Variants in GEMIN8 observed in about 807,000 individuals in gnomAD.
GEMIN8 encodes gem nuclear organelle associated protein 8.
For missense variants in GEMIN8, 185 were observed against 205.9 expected (o/e 0.90, Z 0.62); for synonymous variants, 80 against 78.5 (o/e 1.02, Z -0.10).
the GEMIN8 span, among the ~76,000 whole-genome samples, chrX:14,000,325 A>G: frequency 0.29 from 31,356 of 108,339 alleles, 3,406 homozygotes; most frequent in South Asian, 0.32. Context: ...GGCCGGGCGC[A>G]GTGGCTCACG....
chrX:14,027,277 G>C (rs1014389584), intron 1 of GEMIN8: 1 of 113,135 alleles, frequency 8.8e-6, no homozygotes, highest in South Asian at 3.6e-4. Context: ...TGGTTGCTGA[G>C]GCTGGCAAGC....
chrX:14,023,700 A>C (rs979637872), intron 2 of GEMIN8, among the ~76,000 whole-genome samples: 1 of 112,178 alleles, frequency 8.9e-6, no homozygotes, highest in African/African-American at 3.2e-5. Context: ...TTTATCACTA[A>C]AATCTGAATA....
Position 14,008,250 on chromosome X carries a change from T to C in GEMIN8, c.*663A>G, listed in dbSNP as rs1423386570. 8.9e-6 allele frequency: 1 copy of C among 112,240 alleles called. No individual in the cohort carries two copies. The highest frequency in any genetic ancestry group is 3.2e-5 in the African/African-American group (1 of 30,841). 9.2% of individuals were successfully genotyped at this position (112,240 alleles called of 1,213,427 possible). A position where few individuals can be genotyped will look rare whatever the true frequency, so the allele number is the denominator to read the frequency against. ...CCTCGGCCTCCCAAAGTGCTGGGAT[T>C]ACAGGCATGAACCATTGCGCCCGGC... is the stretch of plus-strand genomic sequence containing the variant. On this transcript the variant is annotated 3_prime_UTR_variant, in exon 5 of 5. Transcript: ENST00000680255.
chrX:14,016,770 G>A (rs1461491852), intron 4 of GEMIN8, among the ~76,000 whole-genome samples: 7 of 99,577 alleles, frequency 7.0e-5, no homozygotes, highest in African/African-American at 2.6e-4. Context: ...ACTTGAACCC[G>A]GGAGGCATAG....
chrX:13,991,062 C>A, the GEMIN8 span, among the ~76,000 whole-genome samples: 1 of 112,539 alleles, frequency 8.9e-6, no homozygotes, highest in Non-Finnish European at 1.9e-5. Flanking sequence ...TAAAAATATA[C>A]CTTGGAGATT....
chrX:13,999,799 G>A, the GEMIN8 span, among the ~76,000 whole-genome samples: 4 of 111,621 alleles, frequency 3.6e-5, 1 homozygote, highest in Admixed American at 3.8e-4. Context: ...TTAAATTGGG[G>A]TTATGGGTTT....
At chrX:14,003,108 G>C (rs887685099), downstream of GEMIN8, among the ~76,000 whole-genome samples, 3 of 112,144 alleles carry the variant, frequency 2.7e-5, no homozygotes, top group Non-Finnish European at 5.6e-5. Context: ...CTTAGCCTCA[G>C]TTATAAAATT....
At chrX:13,985,172 A>AT in the GEMIN8 span, among the ~76,000 whole-genome samples, 1 of 111,266 alleles carries the variant, frequency 9.0e-6, no homozygotes, top group African/African-American at 3.3e-5. Flanking sequence ...TTGGCTCAGG[A>AT]TTTTTTGGGT....
At chrX:13,995,041 C>T in the GEMIN8 span, among the ~76,000 whole-genome samples, 3 of 111,795 alleles carry the variant, frequency 2.7e-5, no homozygotes, top group South Asian at 7.6e-4. Flanking sequence ...GTAGGGAAGG[C>T]GACAGTGCAC....
the GEMIN8 span, among the ~76,000 whole-genome samples, chrX:13,993,441 CTTT>C: frequency 0.062 from 5,649 of 90,553 alleles, 173 homozygotes; most frequent in East Asian, 0.098. Context: ...GTTGTGTATA[CTTT>C]TTTTTTTTTT....
At chrX:13,991,332 G>C in the GEMIN8 span, among the ~76,000 whole-genome samples, 7 of 112,009 alleles carry the variant, frequency 6.2e-5, no homozygotes, top group Admixed American at 3.8e-4. Context: ...GGGCTGATTA[G>C]ACAATAGAGC....
chrX:13,993,372 GGC>G, the GEMIN8 span, among the ~76,000 whole-genome samples: 1 of 109,993 alleles, frequency 9.1e-6, no homozygotes, highest in Non-Finnish European at 1.9e-5. Context: ...TGCAAACACT[GGC>G]ACAGTCACCT....
intron 4 of GEMIN8, among the ~76,000 whole-genome samples, chrX:14,011,729 T>C (rs1603188720): frequency 1.8e-5 from 2 of 110,755 alleles, no homozygotes; most frequent in East Asian, 5.7e-4. Context: ...ACTTCCTGCA[T>C]AAATCCGAGT....
At chrX:14,011,062 T>C (rs1314025910) in intron 4 of GEMIN8, among the ~76,000 whole-genome samples, 1 of 111,929 alleles carries the variant, frequency 8.9e-6, no homozygotes, top group Non-Finnish European at 1.9e-5. Context: ...AGCTTCTTAT[T>C]TCCGCAAGAG....
rs1924217058 is a variant in GEMIN8 at position 14,020,281 on chromosome X, G to A, written c.269C>T (p.Ser90Phe). Residue 90 changes from serine (S) to phenylalanine (F), a missense_variant, in exon 4 of 5, where the codon TCT becomes TTT. Coordinates refer to ENST00000680255, the MANE Select transcript of GEMIN8 (RefSeq NM_001042479.2). ...HVAWQDYPCS[S>F]SHFRRSGQHP... ...CTGCCCAGATCTTCTGAAATGTGAAGAACTGCAGGGGTAGTCCTGCCAGGC... is the reference window on the plus strand; with the variant it reads ...CTGCCCAGATCTTCTGAAATGTGAAAAACTGCAGGGGTAGTCCTGCCAGGC... The A allele has an allele frequency of 3.3e-6, 4 of 1,210,551 alleles. No individual in the cohort carries two copies. In the African/African-American group the frequency reaches 5.2e-5, roughly 16 times the overall value.
chrX:14,025,981 T>C (rs933770159), intron 2 of GEMIN8, 159 bp downstream of exon 2: 1 of 600,374 alleles, frequency 1.7e-6, no homozygotes. Context: ...CTAATAAGAA[T>C]GCCTGGGTTT....
intron 4 of GEMIN8, chrX:14,014,542 C>T: frequency 1.3e-6 from 1 of 748,085 alleles, no homozygotes; most frequent in Non-Finnish European, 1.6e-6. Flanking sequence ...AATATCTGCA[C>T]CAGATGAAAC....
At chrX:14,012,557 G>C (rs191509825) in intron 4 of GEMIN8, among the ~76,000 whole-genome samples, 1 of 111,249 alleles carries the variant, frequency 9.0e-6, no homozygotes, top group Non-Finnish European at 1.9e-5. Flanking sequence ...TGTCACCTGC[G>C]ACCTACCCTG....
At chrX:13,998,283 C>T in the GEMIN8 span, among the ~76,000 whole-genome samples, 1 of 109,946 alleles carries the variant, frequency 9.1e-6, no homozygotes, top group African/African-American at 3.3e-5. Flanking sequence ...TATGGTTTGG[C>T]TTTGTGTCCC....
Sources: gnomAD v4.1 joint callset for allele counts (sites outside exome capture counted in the v4.1 genomes callset) on GRCh38, gnomAD v4.1.1 for gene constraint, MANE v1.5 for transcripts, NCBI Gene and HGNC (gene_info 2026-07-23, HGNC 2026-07-21) for gene names.